Variants in REPS2 observed in about 807,000 individuals in gnomAD.
REPS2 encodes the protein RALBP1 associated Eps domain containing 2.
REPS2 carries 23 observed loss-of-function variants against 53.6 expected under a neutral mutation model. The observed-to-expected ratio is 0.43, with a 90% confidence interval of 0.31 to 0.61. The LOEUF is 0.61. REPS2 is among the 20% of genes least tolerant of loss of function. REPS2 has a pLI of 0.11. For synonymous variants in REPS2, 238 were observed against 218.6 expected (o/e 1.09, Z -0.78); for missense variants, 446 against 534.9 (o/e 0.83, Z 1.64).
At chrX:17,167,904 A>G in the REPS2 span, among the ~76,000 whole-genome samples, 1 of 110,884 alleles carries the variant, frequency 9.0e-6, no homozygotes, top group Non-Finnish European at 1.9e-5. Context: ...AAACTGTATG[A>G]TGGGTGCCAC....
At chrX:17,093,174 A>ATC in intron 13 of REPS2, among the ~76,000 whole-genome samples, 1 of 31,882 alleles carries the variant, frequency 3.1e-5, no homozygotes, top group Middle Eastern at 0.023. Flanking sequence ...TGCTATATAT[A>ATC]TATATATATA....
At chrX:17,050,187 TTTCTTTC>T (rs1569148488) in intron 6 of REPS2, among the ~76,000 whole-genome samples, 6 of 60,677 alleles carry the variant, frequency 9.9e-5, no homozygotes, top group African/African-American at 4.5e-4. Context: ...TCTTTCTTTC[TTTCTTTC>T]TTTTTTTTTT....
chrX:17,053,433 A>G (rs1457615102), intron 7 of REPS2, among the ~76,000 whole-genome samples: 1 of 111,236 alleles, frequency 9.0e-6, no homozygotes, highest in East Asian at 2.8e-4. Flanking sequence ...GCTGGAGTGC[A>G]GTGACATGAT....
chrX:16,989,601 C>T (rs980303953), intron 1 of REPS2, among the ~76,000 whole-genome samples: 1 of 111,862 alleles, frequency 8.9e-6, no homozygotes, highest in Non-Finnish European at 1.9e-5. Context: ...TAGAAAACAA[C>T]CCAGTTAGAA....
chrX:17,142,531 T>G (rs888262825), intron 17 of REPS2, among the ~76,000 whole-genome samples: 1 of 112,021 alleles, frequency 8.9e-6, no homozygotes, highest in African/African-American at 3.2e-5. Flanking sequence ...CATCTCAATT[T>G]AAAAATGGGC....
At chrX:17,172,437 A>G in the REPS2 span, among the ~76,000 whole-genome samples, 8 of 111,831 alleles carry the variant, frequency 7.2e-5, no homozygotes, top group African/African-American at 2.6e-4. Context: ...CTCCACACAT[A>G]TAATATGTGC....
intron 1 of REPS2, 59 bp from the exon 2 acceptor site, chrX:17,006,162 G>T: frequency 2.6e-6 from 3 of 1,172,517 alleles, no homozygotes; most frequent in Non-Finnish European, 3.5e-6. Context: ...CATGTACCTT[G>T]TCTCATTTTC....
At chrX:17,176,734 T>C in the REPS2 span, among the ~76,000 whole-genome samples, 2 of 112,577 alleles carry the variant, frequency 1.8e-5, no homozygotes, top group Non-Finnish European at 3.8e-5. Flanking sequence ...ATGGCTCTGC[T>C]GAAGGTCTCT....
At chrX:17,102,086 A>ATGTTAT (rs2062816089) in intron 13 of REPS2, among the ~76,000 whole-genome samples, 3 of 96,315 alleles carry the variant, frequency 3.1e-5, no homozygotes, top group African/African-American at 1.2e-4. Context: ...ATGTTATTTT[A>ATGTTAT]TTTTATTTAT....
intron 16 of REPS2, 103 bp downstream of exon 16, chrX:17,135,509 T>G: frequency 1.1e-6 from 1 of 916,525 alleles, no homozygotes; most frequent in Non-Finnish European, 1.5e-6. Flanking sequence ...CAGAAGGATT[T>G]CATGGTTGTA....
At chrX:17,050,889 T>C (rs1383869114) in intron 6 of REPS2, among the ~76,000 whole-genome samples, 1 of 111,736 alleles carries the variant, frequency 8.9e-6, no homozygotes, top group Admixed American at 9.5e-5. Flanking sequence ...ATTTAAAATA[T>C]ACAATTAAGT....
intron 1 of REPS2, among the ~76,000 whole-genome samples, chrX:16,964,760 G>T (rs375307536): frequency 2.1e-5 from 2 of 96,315 alleles, no homozygotes; most frequent in Non-Finnish European, 4.3e-5. Flanking sequence ...CTCACCTCCC[G>T]GACGGGGCGG....
intron 3 of REPS2, among the ~76,000 whole-genome samples, chrX:17,023,565 A>G (rs926082137): frequency 9.0e-6 from 1 of 111,620 alleles, no homozygotes; most frequent in Non-Finnish European, 1.9e-5. Context: ...GAAGTTTTAT[A>G]TGGATAGTTA....
chrX:17,028,560 C>G (rs1477389238), intron 4 of REPS2, among the ~76,000 whole-genome samples: 1 of 111,359 alleles, frequency 9.0e-6, no homozygotes, highest in Non-Finnish European at 1.9e-5. Flanking sequence ...ACATTGTGTT[C>G]CAGTTACTAG....
intron 1 of REPS2, among the ~76,000 whole-genome samples, chrX:16,992,722 A>T (rs976789907): frequency 1.8e-5 from 2 of 112,106 alleles, no homozygotes; most frequent in Non-Finnish European, 3.8e-5. Flanking sequence ...ATCTAGTTTC[A>T]ATTAAATAAA....
chrX:16,968,677 C>T lies in REPS2; in HGVS notation c.273+21543C>T, dbSNP rs1219382610. Reference sequence around the variant, plus strand: ...CCCCCCACCTCCCTCCCAGACGGGGCGGCTGGCCGGGCGGGGGGCTGACCC... The same window carrying T: ...CCCCCCACCTCCCTCCCAGACGGGGTGGCTGGCCGGGCGGGGGGCTGACCC... On this transcript the variant is annotated intron_variant, in intron 1 of 17. Coordinates refer to ENST00000357277, the MANE Select transcript of REPS2 (RefSeq NM_004726.3). Among the ~76,000 whole-genome samples, 14 of 86,222 alleles carry T rather than the reference C, an allele frequency of 1.6e-4. 1 individual carries two copies. Among genetic ancestry groups the T allele is most frequent in the Middle Eastern group, 8.6e-3 (1 of 116 alleles). The allele number at this position is 86,222 out of a possible 115,157, so 74.9% of individuals were successfully genotyped here.
rs377115835 is a variant in REPS2 at position 17,045,304 on chromosome X, C to T, written c.772-2043C>T. ...GATGCAACCCAGTTAAAAAAAATCC[C>T]GGTATACAAAATCCTGCCTTTGAAT... On this transcript the variant is annotated intron_variant, in intron 5 of 17. Transcript: ENST00000357277. Among the ~76,000 whole-genome samples, 116 of 109,804 alleles carry T rather than the reference C, an allele frequency of 1.1e-3. 3 individuals are homozygous for T. In the South Asian group the frequency reaches 0.045, roughly 42 times the overall value.
the REPS2 span, among the ~76,000 whole-genome samples, chrX:17,184,633 A>G: frequency 9.1e-6 from 1 of 110,382 alleles, no homozygotes; most frequent in Non-Finnish European, 1.9e-5. Context: ...GAACTAGTTT[A>G]CAGTCCCACC....
intron 1 of REPS2, among the ~76,000 whole-genome samples, chrX:16,976,184 G>T (rs191044733): frequency 8.9e-6 from 1 of 111,804 alleles, no homozygotes; most frequent in East Asian, 2.8e-4. Flanking sequence ...TTTGCTCCCA[G>T]ATCAGAACTA....
Sources: gnomAD v4.1 joint callset for allele counts (sites outside exome capture counted in the v4.1 genomes callset) on GRCh38, gnomAD v4.1.1 for gene constraint, MANE v1.5 for transcripts, NCBI Gene and HGNC (gene_info 2026-07-23, HGNC 2026-07-21) for gene names.